ZNF341: variants seen among roughly 807,000 people sequenced by gnomAD.
ZNF341 encodes the protein zinc finger protein 341.
A neutral mutation model predicts 87.7 loss-of-function variants in ZNF341; 52 were observed. The observed-to-expected ratio is 0.59, with a 90% CI of 0.47 to 0.75. ZNF341 has a LOEUF of 0.75. Among genes scored for constraint, ZNF341 ranks in the 30% least tolerant of loss-of-function variants. ZNF341 has a pLI of 0.00. For synonymous variants in ZNF341, 459 were observed against 472.7 expected (o/e 0.97, Z 0.38); for missense variants, 977 against 1,145.9 (o/e 0.85, Z 2.13).
chr20:33,783,739 C>T lies in ZNF341; in HGVS notation c.1727C>T (p.Pro576Leu). ...FPCPHCQKVF[P>L]CERYLRRHLP... is the part of the protein sequence containing the mutation. The stretch of plus-strand genomic sequence containing the variant: ...GCCCCTCTTCTCTCCCAGGTGTTTC[C>T]TTGTGAACGCTACCTGCGGCGTCAT... The change falls in exon 12 of 15, where the codon CCT (proline) becomes CTT (leucine). Residue 576 changes from proline to leucine, a missense_variant. Physicochemically the swap from Pro to Leu is moderately conservative, Grantham distance 98. Transcript: ENST00000375200. 6.2e-7 allele frequency: 1 copy of T among 1,613,802 alleles called. No homozygotes were observed.
At chr20:33,751,544 A>G (rs2019055349) in intron 4 of ZNF341, among the ~76,000 whole-genome samples, 1 of 151,932 alleles carries the variant, frequency 6.6e-6, no homozygotes, top group South Asian at 2.1e-4. Flanking sequence ...CACACTTCAG[A>G]CTCCAAAGCC....
chr20:33,757,337 C>G lies in ZNF341; in HGVS notation c.931C>G (p.Pro311Ala). 1 of 1,498,770 alleles carries G rather than the reference C, an allele frequency of 6.7e-7. No homozygotes were observed. Among genetic ancestry groups the G allele is most frequent in the Non-Finnish European group, 8.9e-7 (1 of 1,120,540 alleles). 92.8% of individuals were successfully genotyped at this position (1,498,770 alleles called of 1,614,324 possible). ...TRRAKGARGL[P>A]EAAGKPKAQK... ...ACGAGCTAAAGGTGCCAGGGGACTC[C>G]CGGAAGGTGGGCCCCCAGCCTGCCA... Residue 311 changes from proline to alanine, a missense_variant, in exon 6 of 15, where the codon CCG becomes GCG. By Grantham distance (27) the Pro-to-Ala change is conservative. Coordinates refer to ENST00000375200, the MANE Select transcript of ZNF341 (RefSeq NM_001282933.2).
At chr20:33,784,486 C>T (rs1208362787) in intron 12 of ZNF341, among the ~76,000 whole-genome samples, 2 of 121,848 alleles carry the variant, frequency 1.6e-5, no homozygotes, top group Non-Finnish European at 3.4e-5. Context: ...TCCTGCCTCT[C>T]CCCTTGCTCC....
Position 33,745,241 on chromosome 20 carries a change from A to C in ZNF341, c.281A>C (p.Tyr94Ser), listed in dbSNP as rs749369151. ...GTCTCACTGGCCACCAACAGCATCT[A>C]CCCACCTTCGGCAGCACCCACAGCG... Reference protein sequence around the residue: ...ATVSLATNSIYPPSAAPTAVQ... With the variant: ...ATVSLATNSISPPSAAPTAVQ... The change falls in exon 3 of 15, where the codon TAC (tyrosine) becomes TCC (serine). Residue 94 changes from tyrosine (Y) to serine (S), a missense_variant. Physicochemically the swap from Tyr to Ser is moderately radical, Grantham distance 144. This residue lies in a region of ZNF341 where 515 missense variants were observed against 598.2 expected (regional missense o/e 0.86). Transcript: ENST00000375200. 6.2e-7 allele frequency: 1 copy of C among 1,614,086 alleles called. No individual in the cohort carries two copies. The highest frequency in any genetic ancestry group is 8.5e-7 in the Non-Finnish European group (1 of 1,180,002).
At chr20:33,758,533 T>C (rs73263587) in intron 6 of ZNF341, among the ~76,000 whole-genome samples, 183 bp from the exon 7 acceptor site, 1 of 152,282 alleles carries the variant, frequency 6.6e-6, no homozygotes, top group African/African-American at 2.4e-5. Flanking sequence ...AGCTGGAGCA[T>C]GTCCTGGGCT....
At chr20:33,780,616 G>C (rs559884662) in intron 10 of ZNF341, among the ~76,000 whole-genome samples, 1 of 151,996 alleles carries the variant, frequency 6.6e-6, no homozygotes, top group East Asian at 1.9e-4. Context: ...CATCATGTTG[G>C]CCAGGCTGGT....
At chr20:33,775,184 T>C (rs2019603578) in intron 10 of ZNF341, among the ~76,000 whole-genome samples, 1 of 152,052 alleles carries the variant, frequency 6.6e-6, no homozygotes, top group African/African-American at 2.4e-5. Context: ...CTAGAAGTGA[T>C]TTTGCAGGTC....
chr20:33,783,626 G>A, intron 11 of ZNF341, 106 bp from the exon 12 acceptor site: 1 of 1,509,546 alleles, frequency 6.6e-7, no homozygotes, highest in Non-Finnish European at 9.1e-7. Context: ...AGCCAGAAAG[G>A]AAGGTGTCTC....
intron 8 of ZNF341, among the ~76,000 whole-genome samples, chr20:33,762,495 T>C (rs1359856860): frequency 1.3e-5 from 2 of 151,978 alleles, no homozygotes; most frequent in Non-Finnish European, 1.5e-5. Context: ...AATAAATAAA[T>C]AGGGGATAAA....
At chr20:33,753,132 G>T (rs780966710) in intron 4 of ZNF341, 40 bp from the exon 5 acceptor site, 2 of 1,610,866 alleles carry the variant, frequency 1.2e-6, no homozygotes, top group Admixed American at 3.3e-5. Flanking sequence ...AAGACAACTG[G>T]TATCAAGAGG....
In ZNF341 at chr20:33,753,213, G is replaced by GCCTCCACCTCCT; in HGVS notation, c.546_557dup (p.Pro184_Pro187dup). ...ATTCCGTGCCCAGCTACCTCACCCA[G>GCCTCCACCTCCT]CCTCCACCTCCTCCTCCACCTCCTC... On this transcript the variant is annotated inframe_insertion, in exon 5 of 15. Transcript: ENST00000375200. 1.2e-6 allele frequency: 2 copies of GCCTCCACCTCCT among 1,611,746 alleles called. No homozygotes were observed. The highest frequency in any genetic ancestry group is 1.3e-5 in the African/African-American group (1 of 74,900).
intron 12 of ZNF341, among the ~76,000 whole-genome samples, chr20:33,786,027 C>CTTTTTTTT (rs11478588): frequency 1.5e-5 from 1 of 68,682 alleles, no homozygotes; most frequent in African/African-American, 6.4e-5. Flanking sequence ...ATGTATGAAC[C>CTTTTTTTT]TTTTTTTTTT....
chr20:33,768,269 C>T (rs186635944), intron 9 of ZNF341, among the ~76,000 whole-genome samples: 137 of 149,872 alleles, frequency 9.1e-4, no homozygotes, highest in African/African-American at 3.3e-3. Flanking sequence ...ATTACAGGTG[C>T]CCCCCACCAC....
In ZNF341 at chr20:33,734,416, G is replaced by A. The variant is rs1027340554; in HGVS notation, c.31+2364G>A. On this transcript the variant is annotated intron_variant, in intron 1 of 14. Coordinates refer to ENST00000375200, the MANE Select transcript of ZNF341 (RefSeq NM_001282933.2). ...TGGAGGGGGCCAGAGTGGCAGTGGG[G>A]GGTCGGGGTGGAGGCTGCTGAGGTT... is the stretch of plus-strand genomic sequence containing the variant. Among the ~76,000 whole-genome samples, 6 of 152,306 alleles carry A rather than the reference G, an allele frequency of 3.9e-5. No homozygotes were observed. The East Asian group carries it at 1.2e-3, about 29-fold the overall frequency.
At chr20:33,742,564 C>T (rs2018824244) in intron 2 of ZNF341, among the ~76,000 whole-genome samples, 2 of 151,990 alleles carry the variant, frequency 1.3e-5, no homozygotes, top group Non-Finnish European at 1.5e-5. Context: ...GATCCACCCA[C>T]TTCAGCTTCC....
chr20:33,783,867 A>G lies in ZNF341; in HGVS notation c.1852+3A>G. The G allele has an allele frequency of 6.2e-7, 1 of 1,611,034 alleles. No individual in the cohort carries two copies. Among genetic ancestry groups the G allele is most frequent in the Non-Finnish European group, 8.5e-7 (1 of 1,178,410 alleles). The stretch of plus-strand genomic sequence containing the variant: ...ACTGCATGCTCACATCCACTCGGGT[A>G]GGTACCCTGCCCCTGAGAACTCCAG... On this transcript the variant is annotated splice_donor_region_variant and intron_variant, in intron 12 of 14. Coordinates refer to ENST00000375200, the MANE Select transcript of ZNF341 (RefSeq NM_001282933.2).
chr20:33,748,147 C>A (rs1312791231), intron 3 of ZNF341, among the ~76,000 whole-genome samples: 3 of 152,100 alleles, frequency 2.0e-5, no homozygotes, highest in African/African-American at 7.2e-5. Flanking sequence ...TCTCAGCTCA[C>A]TGCAACCTCC....
At chr20:33,790,856 G>A (rs1443528426) in intron 14 of ZNF341, 132 bp from the exon 15 acceptor site, 4 of 1,104,838 alleles carry the variant, frequency 3.6e-6, no homozygotes, top group Non-Finnish European at 3.8e-6. Flanking sequence ...GGCAGACGAC[G>A]AGGGTGGAGA....
Position 33,791,473 on chromosome 20 carries a change from T to C in ZNF341, c.2521T>C (p.Cys841Arg), listed in dbSNP as rs2020030192. ...GCTGCAGGCTGGGGCCGAGGGCCCA[T>C]GTGCCATGCTCGCTGTGCCCGTCTA... ...AELQAGAEGP[C>R]AMLAVPVYIQ... The change falls in exon 15 of 15, where the codon TGT becomes CGT. Residue 841 changes from cysteine to arginine, a missense_variant. Physicochemically the swap from Cys to Arg is radical, Grantham distance 180. This residue lies in a region of ZNF341 where 221 missense variants were observed against 212.7 expected (regional missense o/e 1.04). Transcript: ENST00000375200. 6.3e-7 allele frequency: 1 copy of C among 1,595,818 alleles called. No individual in the cohort carries two copies. The highest frequency in any genetic ancestry group is 8.5e-7 in the Non-Finnish European group (1 of 1,174,190).
Sources: gnomAD v4.1 joint callset for allele counts (sites outside exome capture counted in the v4.1 genomes callset) on GRCh38, gnomAD v4.1.1 for gene constraint, gnomAD v4.1.1 regional missense constraint, MANE v1.5 for transcripts, NCBI Gene and HGNC (gene_info 2026-07-23, HGNC 2026-07-21) for gene names.